MED16: variants seen among roughly 807,000 people sequenced by gnomAD.
MED16 encodes mediator complex subunit 16, also known as mediator of RNA polymerase II transcription subunit 16.
Under a neutral mutation model 84.4 loss-of-function variants are expected in MED16, and 81 were observed. That is an observed-to-expected ratio of 0.96 (90% CI 0.80 to 1.15). The LOEUF (loss-of-function observed/expected upper bound fraction) is 1.15. Ranked by LOEUF, MED16 falls within the 50% of genes most tolerant of loss-of-function variation. The pLI, the probability that MED16 is intolerant of heterozygous loss-of-function variation, is 0.00. For missense variants in MED16, 1,585 were observed against 1,245.9 expected, an observed-to-expected ratio of 1.27 and a Z score of -4.10; for synonymous variants, 897 against 552.2, an observed-to-expected ratio of 1.62 and a Z score of -8.76.
intron 3 of MED16, 72 bp downstream of exon 3, chr19:890,065 C>T (rs980902186): frequency 7.4e-5 from 90 of 1,218,358 alleles, no homozygotes; most frequent in Admixed American, 1.7e-4. Context: ...CCAGACTGAC[C>T]GGAGAAACAC....
intron 10 of MED16, among the ~76,000 whole-genome samples, chr19:874,219 T>G (rs1008776033): frequency 1.3e-5 from 2 of 152,126 alleles, no homozygotes; most frequent in Admixed American, 6.5e-5. Context: ...GTTCACGCCA[T>G]TCTCCTGCCT....
chr19:885,149 G>T, intron 5 of MED16, 141 bp from the exon 6 acceptor site: 2 of 639,434 alleles, frequency 3.1e-6, no homozygotes, highest in Non-Finnish European at 2.8e-6. Context: ...GGCCCTCCTG[G>T]ATTCCAGCCC....
intron 11 of MED16, among the ~76,000 whole-genome samples, chr19:872,499 TG>T (rs1193490275): frequency 6.6e-6 from 1 of 151,272 alleles, no homozygotes. Flanking sequence ...GCCCCAGGGG[TG>T]GCCCCTGGCA....
Position 880,072 on chromosome 19 carries a change from G to A in MED16, c.1218C>T (p.Tyr406=), listed in dbSNP as rs778794525. Residue 406 remains tyrosine, a synonymous_variant, in exon 8 of 16, where the codon TAC becomes TAT. Coordinates refer to ENST00000325464, the MANE Select transcript of MED16 (RefSeq NM_005481.3). ...RLSLQTMAVF[Y]SSAAPRPVDE... ...CCACAGGCCTCGGGGCCGCGGAGCT[G>A]TAGAAGACGGCCATGGTCTGCAGTG... 5.0e-6 allele frequency: 8 copies of A among 1,610,928 alleles called. No individual in the cohort carries two copies. In the Admixed American group the frequency reaches 5.0e-5, roughly 10 times the overall value.
Position 884,918 on chromosome 19 carries a change from G to A in MED16, c.970C>T (p.Gln324Ter), listed in dbSNP as rs1454545574. The change falls in exon 6 of 16, where the codon CAG (glutamine) becomes TAG (stop). Residue 324 changes from glutamine to a stop codon, truncating the protein, a stop_gained. Transcript: ENST00000325464. LOFTEE classifies it high-confidence loss of function. ...EGLPVNNIFQ[Q>*]ISPVVGDKQP... is the part of the protein sequence containing the mutation. The stretch of plus-strand genomic sequence containing the variant: ...GGAGACTCACCCACGGGGGAGATCT[G>A]CTGGAAGATGTTGTTCACGGGGAGT... The A allele has an allele frequency of 5.0e-6, 8 of 1,608,362 alleles. No homozygotes were observed. The highest frequency in any genetic ancestry group is 1.3e-5 in the African/African-American group (1 of 74,914).
intron 13 of MED16, among the ~76,000 whole-genome samples, chr19:869,647 G>A (rs967781528): frequency 1.3e-5 from 2 of 152,080 alleles, no homozygotes; most frequent in African/African-American, 4.8e-5. Flanking sequence ...CTTCCCGGAG[G>A]TCCCGGAGCC....
intron 6 of MED16, among the ~76,000 whole-genome samples, chr19:882,352 A>C (rs1568329396): frequency 6.6e-6 from 1 of 151,958 alleles, no homozygotes; most frequent in African/African-American, 2.4e-5. Context: ...CTACAAAAAA[A>C]ACACAGTAAA....
chr19:882,133 C>T (rs760683174), intron 6 of MED16, among the ~76,000 whole-genome samples: 45 of 152,388 alleles, frequency 3.0e-4, no homozygotes, highest in Admixed American at 2.1e-3. Flanking sequence ...CCCACAGATC[C>T]GCTGCCTGAC....
At chr19:879,467 T>C (rs1458734384) in intron 8 of MED16, among the ~76,000 whole-genome samples, 22 of 111,690 alleles carry the variant, frequency 2.0e-4, no homozygotes, top group East Asian at 6.6e-4. Flanking sequence ...CTTCCCCTGG[T>C]TGTCAATGCC....
Position 868,219 on chromosome 19 carries a change from A to T in MED16, c.2516T>A (p.Val839Glu). ...AVEGRGPDAC[V>E]TSRASEEAPA... The stretch of plus-strand genomic sequence containing the variant: ...GGCTTCCTCAGAAGCTCTGCTGGTC[A>T]CGCAGGCGTCCGGCCCACGGCCTTC... The change falls in exon 16 of 16, where the codon GTG becomes GAG. Residue 839 changes from valine (V) to glutamate (E), a missense_variant. Physicochemically the swap from Val to Glu is moderately radical, Grantham distance 121. Coordinates refer to ENST00000325464, the MANE Select transcript of MED16 (RefSeq NM_005481.3). The T allele has an allele frequency of 6.2e-7, 1 of 1,600,938 alleles. No homozygotes were observed. The highest frequency in any genetic ancestry group is 8.5e-7 in the Non-Finnish European group (1 of 1,174,656).
chr19:881,596 G>T lies in MED16; in HGVS notation c.1104C>A (p.Leu368=). 6.2e-7 allele frequency: 1 copy of T among 1,612,644 alleles called. No homozygotes were observed. The highest frequency in any genetic ancestry group is 8.5e-7 in the Non-Finnish European group (1 of 1,179,930). ...AGAACTGTGTGTCGCTGGCCACCTT[G>T]AGGTCGGTGTTGGTGAGCGAGATGG... is the stretch of plus-strand genomic sequence containing the variant. ...KLPISLTNTD[L]KVASDTQFYP... Residue 368 remains leucine, a synonymous_variant, in exon 7 of 16, where the codon CTC becomes CTA. Transcript: ENST00000325464.
chr19:873,994 G>A (rs1382845779), intron 10 of MED16, among the ~76,000 whole-genome samples: 1 of 152,218 alleles, frequency 6.6e-6, no homozygotes, highest in African/African-American at 2.4e-5. Context: ...ACACCCAACA[G>A]ATGCCTCTCG....
intron 9 of MED16, among the ~76,000 whole-genome samples, chr19:875,824 C>T (rs954938293): frequency 2.6e-5 from 4 of 152,106 alleles, no homozygotes; most frequent in Non-Finnish European, 5.9e-5. Flanking sequence ...GTGGTGCCTA[C>T]GGGGAGACCC....
At chr19:876,864 A>G (rs1252852327) in intron 9 of MED16, 110 bp downstream of exon 9, 1 of 931,100 alleles carries the variant, frequency 1.1e-6, no homozygotes, top group Non-Finnish European at 1.5e-6. Flanking sequence ...CTGGCACGGG[A>G]CCACCTGCCA....
rs2036245320 is a variant in MED16, at chr19:876,864, A to ACCTGCCACGGGGCCC, written c.1560+109_1560+110insGGGCCCCGTGGCAGG. On this transcript the variant is annotated intron_variant, in intron 9 of 15. Coordinates refer to ENST00000325464, the MANE Select transcript of MED16 (RefSeq NM_005481.3). Reference sequence around the variant, plus strand: ...CAGGGACAGCCCCACCTGGCACGGGACCACCTGCCACGGGGCCCCCACCTG... The same window carrying ACCTGCCACGGGGCCC: ...CAGGGACAGCCCCACCTGGCACGGGACCTGCCACGGGGCCCCCACCTGCCACGGGGCCCCCACCTG... The ACCTGCCACGGGGCCC allele has an allele frequency of 1.1e-5, 10 of 931,498 alleles. No homozygotes were observed. The African/African-American group carries it at 1.5e-4, about 14-fold the overall frequency. 57.7% of individuals were successfully genotyped at this position (931,498 alleles called of 1,614,324 possible). A position where few individuals can be genotyped will look rare whatever the true frequency, so the allele number is the denominator to read the frequency against.
intron 4 of MED16, among the ~76,000 whole-genome samples, chr19:888,963 G>A (rs915215594): frequency 2.0e-5 from 3 of 152,120 alleles, no homozygotes; most frequent in Non-Finnish European, 4.4e-5. Flanking sequence ...AGACCCTGCC[G>A]TCAGTGAGGA....
intron 12 of MED16, chr19:871,596 A>C (rs1373357342): frequency 7.5e-6 from 12 of 1,595,778 alleles, no homozygotes; most frequent in Non-Finnish European, 1.0e-5. Context: ...GAGAGACAGC[A>C]AACAGGTGCC....
intron 8 of MED16, among the ~76,000 whole-genome samples, 164 bp downstream of exon 8, chr19:879,769 GCCCC>G: frequency 3.9e-5 from 4 of 101,780 alleles, no homozygotes; most frequent in Admixed American, 1.1e-4. Context: ...ACCAGCCCCA[GCCCC>G]ACGTGCCCCA....
At chr19:876,890 C>G (rs1347230452) in intron 9 of MED16, 84 bp downstream of exon 9, 1 of 1,405,248 alleles carries the variant, frequency 7.1e-7, no homozygotes, top group Non-Finnish European at 9.5e-7. Flanking sequence ...CCCCCACCTG[C>G]CACGGGGCCC....
Sources: allele counts gnomAD v4.1 joint callset (sites outside exome capture counted in the v4.1 genomes callset), GRCh38; gene constraint gnomAD v4.1.1; transcripts MANE v1.5; gene names NCBI Gene and HGNC (gene_info 2026-07-23, HGNC 2026-07-21).